Variants in DCPS observed in about 807,000 individuals in gnomAD.
DCPS encodes m7GpppX diphosphatase.
DCPS carries 27 observed loss-of-function variants against 34.7 expected under a neutral mutation model. The ratio of observed to expected loss-of-function variants is 0.78; its 90% CI spans 0.57 to 1.07. The LOEUF (loss-of-function observed/expected upper bound fraction) is 1.07. DCPS is among the 50% of genes least tolerant of loss of function. The probability of loss-of-function intolerance (pLI) is 0.00; values close to 1 mark genes in which losing one functional copy is unlikely to be tolerated. For synonymous variants in DCPS, 185 were observed against 185.7 expected (o/e 1.00, Z 0.03); for missense variants, 464 against 436.9 (o/e 1.06, Z -0.55).
At chr11:126,326,372 C>T (rs1027771348) in intron 2 of DCPS, among the ~76,000 whole-genome samples, 2 of 152,192 alleles carry the variant, frequency 1.3e-5, no homozygotes, top group African/African-American at 4.8e-5. Flanking sequence ...GCCCTGAGCA[C>T]CACACGGGGC....
rs1325814042 is a variant in DCPS at position 126,327,529 on chromosome 11, A to G, written c.377-3876A>G. ...CTGTGCCTGTGTATCGTGTTTCCCA[A>G]CGTGTTTTCACCTGATGGTTTGATT... On this transcript the variant is annotated intron_variant, in intron 2 of 5. Transcript: ENST00000263579. This position sits in a 1 kb window ranked among gnomAD's most constrained non-coding sequence, Gnocchi z 4.1. Among the ~76,000 whole-genome samples, 1 of 152,158 alleles carries G rather than the reference A, an allele frequency of 6.6e-6. No homozygotes were observed. Among genetic ancestry groups the G allele is most frequent in the African/African-American group, 2.4e-5 (1 of 41,428 alleles).
intron 2 of DCPS, among the ~76,000 whole-genome samples, chr11:126,326,223 G>C (rs1201074032): frequency 6.6e-6 from 1 of 152,226 alleles, no homozygotes; most frequent in African/African-American, 2.4e-5. Context: ...CAGGGGTGTT[G>C]CCAGGTATCA....
rs981330047 is a variant in DCPS, at chr11:126,338,902, G to A, written c.636+503G>A. Among the ~76,000 whole-genome samples, 11 of 152,158 alleles carry A rather than the reference G, an allele frequency of 7.2e-5. No individual in the cohort carries two copies. Among genetic ancestry groups the A allele is most frequent in the African/African-American group, 1.7e-4 (7 of 41,428 alleles). ...ACTTCTACTCAGGCCCCTTGGCCCCGTGCCCTGCCTCCAAGCACCTCTGCT... is the reference window on the plus strand; with the variant it reads ...ACTTCTACTCAGGCCCCTTGGCCCCATGCCCTGCCTCCAAGCACCTCTGCT... On this transcript the variant is annotated intron_variant, in intron 4 of 5. Transcript: ENST00000263579. The surrounding 1 kb of genome is among the most constrained non-coding windows in gnomAD (Gnocchi z 5.4).
chr11:126,308,411 C>G (rs1951591205), intron 2 of DCPS, among the ~76,000 whole-genome samples: 1 of 152,172 alleles, frequency 6.6e-6, no homozygotes, highest in Non-Finnish European at 1.5e-5. Context: ...TGAAAGGGTG[C>G]TATTGTTGTC....
intron 2 of DCPS, among the ~76,000 whole-genome samples, chr11:126,309,847 G>A (rs1951606740): frequency 6.6e-6 from 1 of 152,200 alleles, no homozygotes; most frequent in African/African-American, 2.4e-5. Context: ...AATGGTCTCT[G>A]TCTCCTCTTC....
At chr11:126,305,046 G>A (rs186167504) in intron 1 of DCPS, among the ~76,000 whole-genome samples, 54 of 152,304 alleles carry the variant, frequency 3.5e-4, no homozygotes, top group African/African-American at 1.3e-3. Flanking sequence ...CCTTTGGGAG[G>A]ATCAGGGAAC....
At chr11:126,306,806 G>T in intron 2 of DCPS, 62 bp downstream of exon 2, 1 of 1,545,986 alleles carries the variant, frequency 6.5e-7, no homozygotes, top group Non-Finnish European at 8.8e-7. Context: ...GAAATTAGGT[G>T]GTATGGTGAC....
Position 126,335,779 on chromosome 11 carries a change from G to T in DCPS, c.523-2507G>T, listed in dbSNP as rs1378617588. 6.6e-6 allele frequency among the ~76,000 whole-genome samples: 1 copy of T among 152,180 alleles called. No individual in the cohort carries two copies. Among genetic ancestry groups the T allele is most frequent in the Non-Finnish European group, 1.5e-5 (1 of 68,040 alleles). On this transcript the variant is annotated intron_variant, in intron 3 of 5. Transcript: ENST00000263579. This position sits in a 1 kb window ranked among gnomAD's most constrained non-coding sequence, Gnocchi z 4.8. ...ATCTCTACTAAAAATACAAAAATTAGCTGGGTGTGGTGGCACACGCCTGTA... is the reference window on the plus strand; with the variant it reads ...ATCTCTACTAAAAATACAAAAATTATCTGGGTGTGGTGGCACACGCCTGTA...
rs1422919522 is a variant in DCPS at position 126,329,454 on chromosome 11, A to G, written c.377-1951A>G. Among the ~76,000 whole-genome samples, 1 of 152,228 alleles carries G rather than the reference A, an allele frequency of 6.6e-6. No homozygotes were observed. Among genetic ancestry groups the G allele is most frequent in the Non-Finnish European group, 1.5e-5 (1 of 68,034 alleles). ...CCATGCCCAAGGGTACACAGCCAGT[A>G]TGGAGAGTCATGTGGCCAGCCTGGG... is the stretch of plus-strand genomic sequence containing the variant. On this transcript the variant is annotated intron_variant, in intron 2 of 5. Coordinates refer to ENST00000263579, the MANE Select transcript of DCPS (RefSeq NM_014026.6). The surrounding 1 kb of genome is among the most constrained non-coding windows in gnomAD (Gnocchi z 5.0).
At position 126,322,953 on chromosome 11, in the gene DCPS, G is replaced by C. The variant is rs990622191; in HGVS notation, c.377-8452G>C. 6.6e-6 allele frequency among the ~76,000 whole-genome samples: 1 copy of C among 152,100 alleles called. No homozygotes were observed. The highest frequency in any genetic ancestry group is 2.4e-5 in the African/African-American group (1 of 41,404). On this transcript the variant is annotated intron_variant, in intron 2 of 5. Transcript: ENST00000263579. The surrounding 1 kb of genome is among the most constrained non-coding windows in gnomAD (Gnocchi z 4.2). The stretch of plus-strand genomic sequence containing the variant: ...AGTGATTCTCCCACTTCACCTTCCC[G>C]AGTAGTGGCGACCAGAGGCAGGTAC...
At chr11:126,307,282 G>C (rs925522251) in intron 2 of DCPS, among the ~76,000 whole-genome samples, 6 of 149,380 alleles carry the variant, frequency 4.0e-5, no homozygotes, top group African/African-American at 1.5e-4. Flanking sequence ...ACAATGAGCT[G>C]AGATTGTGCC....
At chr11:126,330,371 G>A (rs910542227) in intron 2 of DCPS, among the ~76,000 whole-genome samples, 11 of 152,108 alleles carry the variant, frequency 7.2e-5, no homozygotes, top group South Asian at 2.1e-4. Flanking sequence ...AGAAACCCTG[G>A]ATTAAACATC....
chr11:126,305,977 A>C (rs1951561646), intron 1 of DCPS, among the ~76,000 whole-genome samples: 1 of 152,136 alleles, frequency 6.6e-6, no homozygotes, highest in South Asian at 2.1e-4. Context: ...TGAAATGGGG[A>C]GAACTTGACA....
Position 126,344,506 on chromosome 11 carries a change from T to C in DCPS, c.748-841T>C, listed in dbSNP as rs1320378875. Among the ~76,000 whole-genome samples the C allele has an allele frequency of 6.6e-6, 1 of 152,158 alleles. No individual in the cohort carries two copies. Among genetic ancestry groups the C allele is most frequent in the African/African-American group, 2.4e-5 (1 of 41,428 alleles). On this transcript the variant is annotated intron_variant, in intron 5 of 5. Coordinates refer to ENST00000263579, the MANE Select transcript of DCPS (RefSeq NM_014026.6). The surrounding 1 kb of genome is among the most constrained non-coding windows in gnomAD (Gnocchi z 8.1). ...GGAAGCCCCTCGGGTGCCTTGGCCCTGGTCTCGCCCCGCTGCAGGGATTCC... is the reference window on the plus strand; with the variant it reads ...GGAAGCCCCTCGGGTGCCTTGGCCCCGGTCTCGCCCCGCTGCAGGGATTCC...
chr11:126,338,219 C>G lies in DCPS; in HGVS notation c.523-67C>G, dbSNP rs1421544798. The G allele has an allele frequency of 6.7e-7, 1 of 1,484,546 alleles. No individual in the cohort carries two copies. Among genetic ancestry groups the G allele is most frequent in the African/African-American group, 1.4e-5 (1 of 72,322 alleles). 92.0% of individuals were successfully genotyped at this position (1,484,546 alleles called of 1,614,324 possible). The stretch of plus-strand genomic sequence containing the variant: ...GAGAGGCCAGGGAATGCCCTGAGCT[C>G]AGTTTGGGGTATCTCTCAAGGGGTG... On this transcript the variant is annotated intron_variant, in intron 3 of 5. Transcript: ENST00000263579. The surrounding 1 kb of genome is among the most constrained non-coding windows in gnomAD (Gnocchi z 5.4).
intron 2 of DCPS, among the ~76,000 whole-genome samples, chr11:126,318,221 G>A (rs963671002): frequency 2.6e-5 from 4 of 152,160 alleles, no homozygotes; most frequent in Non-Finnish European, 5.9e-5. Context: ...GTGGTTAGAG[G>A]CTTGCTGTGG....
intron 2 of DCPS, among the ~76,000 whole-genome samples, chr11:126,321,789 A>G (rs554452643): frequency 1.7e-3 from 253 of 152,362 alleles, no homozygotes; most frequent in Non-Finnish European, 3.0e-3. Context: ...GCTATATTGA[A>G]TGTATAAGAA....
chr11:126,310,992 G>C (rs1378849970), intron 2 of DCPS, among the ~76,000 whole-genome samples: 1 of 151,860 alleles, frequency 6.6e-6, no homozygotes, highest in Non-Finnish European at 1.5e-5. Context: ...ATTTTTTTCT[G>C]GTATTCCTCT....
chr11:126,342,903 C>A lies in DCPS; in HGVS notation c.637-404C>A, dbSNP rs536006455. Among the ~76,000 whole-genome samples, 41 of 152,110 alleles carry A rather than the reference C, an allele frequency of 2.7e-4. No homozygotes were observed. Among genetic ancestry groups the A allele is most frequent in the South Asian group, 1.5e-3 (7 of 4,818 alleles). On this transcript the variant is annotated intron_variant, in intron 4 of 5. Transcript: ENST00000263579. The surrounding 1 kb of genome is among the most constrained non-coding windows in gnomAD (Gnocchi z 4.4). The stretch of plus-strand genomic sequence containing the variant: ...GACCAGCCTGGCCAATATGGTGAAA[C>A]CCCATCTCTACTAAAAATATAAAGA...
Sources: gnomAD v4.1 joint callset for allele counts (sites outside exome capture counted in the v4.1 genomes callset) on GRCh38, gnomAD v4.1.1 for gene constraint, Gnocchi (gnomAD v3.1) non-coding constraint, MANE v1.5 for transcripts, NCBI Gene and HGNC (gene_info 2026-07-23, HGNC 2026-07-21) for gene names.